MAP6: variants seen among roughly 807,000 people sequenced by gnomAD.
The protein encoded by MAP6 is microtubule associated protein 6.
Under a neutral mutation model 42.4 loss-of-function variants are expected in MAP6, and 26 were observed. The observed-to-expected ratio is 0.61, with a 90% CI of 0.45 to 0.85. The LOEUF (loss-of-function observed/expected upper bound fraction) is 0.85, where lower values mean the gene tolerates loss of function less well. Ranked by LOEUF, MAP6 falls within the 40% of genes least tolerant of loss-of-function variation. MAP6 has a pLI of 0.00. For synonymous variants in MAP6, 418 were observed against 443.8 expected, an observed-to-expected ratio of 0.94 and a Z score of 0.73; for missense variants, 966 against 1,099.0, an observed-to-expected ratio of 0.88 and a Z score of 1.71.
chr11:75,648,664 G>A (rs1230046397), intron 1 of MAP6, among the ~76,000 whole-genome samples: 1 of 152,090 alleles, frequency 6.6e-6, no homozygotes, highest in East Asian at 1.9e-4. Context: ...TCTGCATGAC[G>A]AAAGATACTA....
At chr11:75,664,679 G>T (rs1363781956) in intron 1 of MAP6, among the ~76,000 whole-genome samples, 1 of 152,202 alleles carries the variant, frequency 6.6e-6, no homozygotes, top group African/African-American at 2.4e-5. Context: ...AGTGGACATG[G>T]TACTTACTTA....
intron 1 of MAP6, among the ~76,000 whole-genome samples, chr11:75,652,323 G>A (rs1008537987): frequency 5.9e-5 from 9 of 152,104 alleles, no homozygotes; most frequent in African/African-American, 1.9e-4. Flanking sequence ...TGGAACACTT[G>A]TTATATGGGA....
At chr11:75,664,704 C>T (rs1943917244) in intron 1 of MAP6, among the ~76,000 whole-genome samples, 1 of 152,102 alleles carries the variant, frequency 6.6e-6, no homozygotes, top group Admixed American at 6.6e-5. Context: ...CAGAAGATAT[C>T]CTAGAAACAT....
chr11:75,618,692 G>A (rs115623690), intron 1 of MAP6, among the ~76,000 whole-genome samples: 94 of 152,226 alleles, frequency 6.2e-4, no homozygotes, highest in African/African-American at 1.9e-3. Context: ...CCACACCACC[G>A]GGTACTGAGA....
intron 1 of MAP6, among the ~76,000 whole-genome samples, chr11:75,613,135 C>T (rs604694): frequency 0.17 from 25,238 of 152,212 alleles, 2,357 homozygotes; most frequent in African/African-American, 0.23. Flanking sequence ...CACTCCATAT[C>T]TTCTTTACAT....
intron 1 of MAP6, among the ~76,000 whole-genome samples, chr11:75,613,161 AAGG>A (rs1942933442): frequency 2.6e-5 from 4 of 152,152 alleles, no homozygotes; most frequent in Admixed American, 1.3e-4. Flanking sequence ...ACAGGATTTA[AAGG>A]CTTGACATTC....
intron 1 of MAP6, among the ~76,000 whole-genome samples, chr11:75,643,249 T>A (rs188738938): frequency 6.6e-6 from 1 of 151,360 alleles, no homozygotes; most frequent in East Asian, 1.9e-4. Flanking sequence ...TATAAATTTT[T>A]TTTCTTGCAG....
At chr11:75,659,265 C>A (rs1275429657) in intron 1 of MAP6, among the ~76,000 whole-genome samples, 1 of 152,086 alleles carries the variant, frequency 6.6e-6, no homozygotes, top group African/African-American at 2.4e-5. Context: ...GGGGATCACC[C>A]GAGGTCAGGA....
intron 1 of MAP6, among the ~76,000 whole-genome samples, chr11:75,616,952 T>C (rs909546961): frequency 6.6e-6 from 1 of 152,200 alleles, no homozygotes; most frequent in Non-Finnish European, 1.5e-5. Flanking sequence ...AGTTTGAAGC[T>C]AATGTGAGTA....
intron 3 of MAP6, among the ~76,000 whole-genome samples, chr11:75,598,036 G>A (rs1409736592): frequency 5.3e-5 from 8 of 152,184 alleles, no homozygotes; most frequent in Non-Finnish European, 1.2e-4. Flanking sequence ...GGCCCTCACC[G>A]CAGGCCTGGG....
In MAP6 at chr11:75,587,970, C is replaced by T. The variant is rs1942393503; in HGVS notation, c.1531G>A (p.Val511Ile). The change falls in exon 4 of 4, where the codon GTC (valine) becomes ATC (isoleucine). Residue 511 changes from valine (V) to isoleucine (I), a missense_variant. By Grantham distance (29) the Val-to-Ile change is conservative. Around this residue, in one of 2 missense-constraint regions of MAP6, gnomAD observed 943 missense variants for 1,049.9 expected, o/e 0.90. Transcript: ENST00000304771. ...PLPVKDQDHTVPEPLKNESPV... is the reference protein window; with the variant it reads ...PLPVKDQDHTIPEPLKNESPV... ...CTTTCATTCTTTAAAGGCTCAGGGA[C>T]CGTGTGATCTTGATCCTTGACTGGT... 7 of 1,614,044 alleles carry T rather than the reference C, an allele frequency of 4.3e-6. No individual in the cohort carries two copies. Among genetic ancestry groups the T allele is most frequent in the African/African-American group, 4.0e-5 (3 of 74,912 alleles).
At chr11:75,631,807 C>T (rs538956) in intron 1 of MAP6, among the ~76,000 whole-genome samples, 2 of 152,026 alleles carry the variant, frequency 1.3e-5, no homozygotes, top group African/African-American at 2.4e-5. Context: ...TTTCTGCTGT[C>T]GCAGGAGATA....
chr11:75,624,781 G>A (rs754297106), intron 1 of MAP6, among the ~76,000 whole-genome samples: 4 of 152,176 alleles, frequency 2.6e-5, no homozygotes, highest in Non-Finnish European at 4.4e-5. Flanking sequence ...TTCACAGCAC[G>A]TCCCTACCTG....
rs567436862 is a variant in MAP6, at chr11:75,648,955, T to C, written c.905+18510A>G. 3.3e-4 allele frequency among the ~76,000 whole-genome samples: 51 copies of C among 152,338 alleles called. No homozygotes were observed. In the South Asian group the frequency reaches 1.0e-2, roughly 30 times the overall value. On this transcript the variant is annotated intron_variant, in intron 1 of 3. Coordinates refer to ENST00000304771, the MANE Select transcript of MAP6 (RefSeq NM_033063.2). ...CAAAGGGGGTACTTTTATATACTATTAGTTGAAGTATAAATGGGTCCAGCC... is the reference window on the plus strand; with the variant it reads ...CAAAGGGGGTACTTTTATATACTATCAGTTGAAGTATAAATGGGTCCAGCC...
At chr11:75,653,146 G>A (rs780612628) in intron 1 of MAP6, among the ~76,000 whole-genome samples, 42 of 152,184 alleles carry the variant, frequency 2.8e-4, no homozygotes, top group Non-Finnish European at 4.8e-4. Flanking sequence ...TGAGAAGAAC[G>A]GCAATGGACC....
chr11:75,627,018 A>G (rs1943209316), intron 1 of MAP6, among the ~76,000 whole-genome samples: 1 of 152,240 alleles, frequency 6.6e-6, no homozygotes, highest in African/African-American at 2.4e-5. Flanking sequence ...TGCATTACAA[A>G]TTGAAAACAG....
In MAP6 at chr11:75,667,404, G is replaced by T; in HGVS notation, c.905+61C>A. ...CCTGCGCTGGGGATCCTGGGCCCCG[G>T]GCAGCCCGCGGGGAGGGTCTGCGTG... On this transcript the variant is annotated intron_variant, in intron 1 of 3. Transcript: ENST00000304771. This position sits in a 1 kb window ranked among gnomAD's most constrained non-coding sequence, Gnocchi z 5.6. 1.5e-6 allele frequency: 2 copies of T among 1,360,126 alleles called. No individual in the cohort carries two copies. The highest frequency in any genetic ancestry group is 1.9e-6 in the Non-Finnish European group (2 of 1,050,270). The allele number at this position is 1,360,126 out of a possible 1,614,324, so 84.3% of individuals were successfully genotyped here.
rs112923342 is a variant in MAP6 at position 75,650,562 on chromosome 11, T to C, written c.905+16903A>G. Among the ~76,000 whole-genome samples the C allele has an allele frequency of 2.7e-4, 41 of 152,342 alleles. 1 individual carries two copies. The highest frequency in any genetic ancestry group is 7.9e-4 in the African/African-American group (33 of 41,580). ...GTTCAGAGTCTGTTCCCTGAGTGAC[T>C]GCTCTCTTGGTGTCTAGACTGGTGT... On this transcript the variant is annotated intron_variant, in intron 1 of 3. Transcript: ENST00000304771.
chr11:75,656,004 C>A (rs1943742310), intron 1 of MAP6, among the ~76,000 whole-genome samples: 1 of 152,260 alleles, frequency 6.6e-6, no homozygotes, highest in Non-Finnish European at 1.5e-5. Flanking sequence ...AGAGTAAACA[C>A]TCAGCAGATG....
Sources: allele counts gnomAD v4.1 joint callset (sites outside exome capture counted in the v4.1 genomes callset), GRCh38; gene constraint gnomAD v4.1.1; regional missense constraint gnomAD v4.1.1; non-coding constraint Gnocchi (gnomAD v3.1); transcripts MANE v1.5; gene names NCBI Gene and HGNC (gene_info 2026-07-23, HGNC 2026-07-21).